Variants in USP9Y observed in about 807,000 individuals in gnomAD.
USP9Y encodes the protein ubiquitin carboxyl-terminal hydrolase 9Y.
Under a neutral mutation model 53.1 loss-of-function variants are expected in USP9Y, and 41 were observed. That is an observed-to-expected ratio of 0.77 (90% CI 0.60 to 1.00). USP9Y has a LOEUF of 1.00. Ranked by LOEUF, USP9Y falls within the 50% of genes least tolerant of loss-of-function variation. The pLI is 0.00. For missense variants in USP9Y, 567 were observed against 535.8 expected, an observed-to-expected ratio of 1.06 and a Z score of -0.58; for synonymous variants, 220 against 173.7, an observed-to-expected ratio of 1.27 and a Z score of -2.09.
intron 3 of USP9Y, among the ~76,000 whole-genome samples, chrY:12,709,962 A>G: frequency 9.3e-5 from 3 of 32,312 alleles, no homozygotes; most frequent in Admixed American, 2.8e-4. Flanking sequence ...AAAAGAAAAG[A>G]AAAAAAAGTG....
intron 12 of USP9Y, among the ~76,000 whole-genome samples, chrY:12,748,072 T>C: frequency 3.0e-5 from 1 of 33,323 alleles, no homozygotes; most frequent in East Asian, 7.9e-4. Context: ...TGAGAATGGC[T>C]TCAACCCTGC....
intron 44 of USP9Y, 34 bp downstream of exon 44, chrY:12,856,879 A>T: frequency 3.1e-6 from 1 of 326,981 alleles, no homozygotes; most frequent in African/African-American, 6.8e-5. Flanking sequence ...TGGACAGCAG[A>T]TGGAAATGGG....
At chrY:12,830,119 T>C (rs2053549722) in intron 33 of USP9Y, among the ~76,000 whole-genome samples, 1 of 33,618 alleles carries the variant, frequency 3.0e-5, no homozygotes, top group Admixed American at 2.7e-4. Flanking sequence ...ACAACTTTTG[T>C]CCCTTGAATG....
In USP9Y at chrY:12,840,048, A is replaced by G; in HGVS notation, c.5522A>G (p.Asn1841Ser). ...GGTGTTGCAAACCTGGAAAGGGATAATGTAAACTCAGAAAATGAGTTGATT... is the reference window on the plus strand; with the variant it reads ...GGTGTTGCAAACCTGGAAAGGGATAGTGTAAACTCAGAAAATGAGTTGATT... ...VAGVANLERD[N>S]VNSENELIEQ... The change falls in exon 36 of 46, where the codon AAT becomes AGT. Residue 1841 changes from asparagine (N) to serine (S), a missense_variant. Physicochemically the swap from Asn to Ser is conservative, Grantham distance 46 (BLOSUM62 1). Transcript: ENST00000338981. 1 of 398,631 alleles carries G rather than the reference A, an allele frequency of 2.5e-6. No homozygotes were observed. The highest frequency in any genetic ancestry group is 3.5e-6 in the Non-Finnish European group (1 of 283,448).
At chrY:12,845,773 G>A (rs759997851) in intron 39 of USP9Y, among the ~76,000 whole-genome samples, 15 of 32,733 alleles carry the variant, frequency 4.6e-4, no homozygotes, top group African/African-American at 1.7e-3. Flanking sequence ...TCACTGCAAC[G>A]TCCGCCTCCT....
intron 3 of USP9Y, among the ~76,000 whole-genome samples, chrY:12,717,237 A>G: frequency 1.2e-4 from 4 of 32,259 alleles, no homozygotes; most frequent in African/African-American, 3.7e-4. Flanking sequence ...TCATAGGAGC[A>G]TGAACCTTAC....
Position 12,848,270 on chromosome Y carries a change from A to G in USP9Y, c.7064+943A>G, listed in dbSNP as rs2053568789. Among the ~76,000 whole-genome samples the G allele has an allele frequency of 9.0e-4, 30 of 33,326 alleles. No homozygotes were observed. In the East Asian group the frequency reaches 0.024, roughly 26 times the overall value. 89.4% of individuals were successfully genotyped at this position (33,326 alleles called of 37,273 possible). On this transcript the variant is annotated intron_variant, in intron 42 of 45. Coordinates refer to ENST00000338981, the MANE Select transcript of USP9Y (RefSeq NM_004654.4). ...TTGCCTGCATAGATGTCTTCTTTTG[A>G]GAAGTGTTGTTCATATCTTTTGCCC... is the stretch of plus-strand genomic sequence containing the variant.
chrY:12,843,092 A>G lies in USP9Y; in HGVS notation c.6467A>G (p.His2156Arg), dbSNP rs745338252. 7.6e-6 allele frequency: 3 copies of G among 396,929 alleles called. No individual in the cohort carries two copies. Among genetic ancestry groups the G allele is most frequent in the East Asian group, 9.2e-5 (1 of 10,822 alleles). ...QACDNLSLSD[H>R]LLRATLNLLR... ...TGTGATAACTTGAGCTTGAGTGACC[A>G]CTTACTAAGAGCCACACTAAATCTC... The change falls in exon 39 of 46, where the codon CAC becomes CGC. Residue 2156 changes from histidine to arginine, a missense_variant. Coordinates refer to ENST00000338981, the MANE Select transcript of USP9Y (RefSeq NM_004654.4).
intron 42 of USP9Y, 63 bp downstream of exon 42, chrY:12,847,390 G>C (rs911578859): frequency 7.1e-5 from 18 of 254,074 alleles, no homozygotes; most frequent in South Asian, 6.2e-4. Flanking sequence ...GACTGGAATT[G>C]TCATTTGCCA....
intron 3 of USP9Y, among the ~76,000 whole-genome samples, chrY:12,717,537 G>A: frequency 3.1e-5 from 1 of 32,142 alleles, no homozygotes; most frequent in African/African-American, 1.2e-4. Context: ...GGATCCCCTC[G>A]TAGGGCTGCC....
chrY:12,841,137 C>T lies in USP9Y; in HGVS notation c.6212+4C>T. ...TTCGTGGTCCTGCCAGTGACTGGTA[C>T]ATGGTTTTGGATTTCATTCTTATAG... On this transcript the variant is annotated splice_donor_region_variant and intron_variant, in intron 37 of 45. Transcript: ENST00000338981. 2.5e-6 allele frequency: 1 copy of T among 393,889 alleles called. No homozygotes were observed. The highest frequency in any genetic ancestry group is 3.6e-6 in the Non-Finnish European group (1 of 281,271).
intron 33 of USP9Y, among the ~76,000 whole-genome samples, chrY:12,820,254 A>C: frequency 3.0e-5 from 1 of 33,876 alleles, no homozygotes. Flanking sequence ...ACTGTAATAC[A>C]TGCTCTTCCT....
chrY:12,835,529 C>G (rs2053554759), intron 34 of USP9Y, among the ~76,000 whole-genome samples: 1 of 33,734 alleles, frequency 3.0e-5, no homozygotes, highest in Non-Finnish European at 7.3e-5. Context: ...CTGTGAGAAA[C>G]TGGCCAGTGG....
chrY:12,774,412 A>G (rs2053490283), intron 17 of USP9Y, among the ~76,000 whole-genome samples: 1 of 25,507 alleles, frequency 3.9e-5, no homozygotes, highest in Admixed American at 3.9e-4. Flanking sequence ...GCTTGCAGTG[A>G]GTTGAGATTG....
In USP9Y at chrY:12,839,903, C is replaced by T. The variant is rs751105651; in HGVS notation, c.5377C>T (p.Arg1793Trp). The T allele has an allele frequency of 2.8e-5, 11 of 398,106 alleles. No homozygotes were observed. The highest frequency in any genetic ancestry group is 3.2e-5 in the Non-Finnish European group (9 of 283,182). Residue 1793 changes from arginine (R) to tryptophan (W), a missense_variant, in exon 36 of 46, where the codon CGG becomes TGG. By Grantham distance (101) the Arg-to-Trp change is moderately radical. Coordinates refer to ENST00000338981, the MANE Select transcript of USP9Y (RefSeq NM_004654.4). The stretch of plus-strand genomic sequence containing the variant: ...GCGCCTGCTAATTAAAAAATTGCCT[C>T]GGGTTCTTGCTATCCAACTCAAACG... Reference protein sequence around the residue: ...VKRLLIKKLPRVLAIQLKRFD... With the variant: ...VKRLLIKKLPWVLAIQLKRFD...
intron 1 of USP9Y, among the ~76,000 whole-genome samples, chrY:12,706,984 T>C (rs2053419797): frequency 3.0e-5 from 1 of 33,629 alleles, no homozygotes; most frequent in African/African-American, 1.2e-4. Context: ...AGAATAGTAT[T>C]GCATTGTTAT....
At chrY:12,817,120 G>T (rs553965051) in intron 32 of USP9Y, among the ~76,000 whole-genome samples, 2 of 33,268 alleles carry the variant, frequency 6.0e-5, no homozygotes, top group African/African-American at 2.3e-4. Flanking sequence ...TTAGCCAGGC[G>T]TGGTGGCACA....
intron 5 of USP9Y, among the ~76,000 whole-genome samples, chrY:12,723,561 T>G (rs554149685): frequency 6.0e-3 from 181 of 30,144 alleles, no homozygotes; most frequent in Non-Finnish European, 0.013. Context: ...GCTAATTTTT[T>G]GTATTTTTAG....
At chrY:12,786,449 G>A (rs72625379) in intron 23 of USP9Y, 73 bp from the exon 24 acceptor site, 39,093 of 369,140 alleles carry the variant, frequency 0.11, no homozygotes, top group Non-Finnish European at 0.13. Flanking sequence ...AATGATCAGA[G>A]GAGAAATAGA....
Sources: gnomAD v4.1 joint callset for allele counts (sites outside exome capture counted in the v4.1 genomes callset) on GRCh38, gnomAD v4.1.1 for gene constraint, MANE v1.5 for transcripts, NCBI Gene and HGNC (gene_info 2026-07-23, HGNC 2026-07-21) for gene names.